Variants in CADPS observed in about 807,000 individuals in gnomAD.
CADPS encodes the protein calcium dependent secretion activator.
CADPS carries 57 observed loss-of-function variants against 167.3 expected under a neutral mutation model. The ratio of observed to expected loss-of-function variants is 0.34; its 90% CI spans 0.28 to 0.42. The LOEUF (loss-of-function observed/expected upper bound fraction) is 0.42. Ranked by LOEUF, CADPS falls within the 20% of genes least tolerant of loss-of-function variation. CADPS has a pLI of 1.00. For missense variants in CADPS, 1,414 were observed against 1,738.1 expected (o/e 0.81, Z 3.32); for synonymous variants, 676 against 635.3 (o/e 1.06, Z -0.96).
chr3:62,874,736 G>A lies in CADPS; in HGVS notation c.294C>T (p.Ser98=). 1 of 1,516,978 alleles carries A rather than the reference G, an allele frequency of 6.6e-7. No individual in the cohort carries two copies. The highest frequency in any genetic ancestry group is 9.0e-7 in the Non-Finnish European group (1 of 1,117,166). The allele number at this position is 1,516,978 out of a possible 1,614,324, so 94.0% of individuals were successfully genotyped here. Residue 98 remains serine (S), a synonymous_variant, in exon 1 of 30, where the codon AGC becomes AGT. Transcript: ENST00000383710. This position sits in a 1 kb window ranked among gnomAD's most constrained non-coding sequence, Gnocchi z 7.1. ...RPSSPSPSVV[S]EKEKEELERL... ...GCTCCAACTCTTCCTTCTCCTTCTC[G>A]CTCACCACCGACGGGCTGGGGCTGG...
At chr3:62,668,649 C>T (rs2074940237) in intron 3 of CADPS, among the ~76,000 whole-genome samples, 1 of 152,134 alleles carries the variant, frequency 6.6e-6, no homozygotes, top group Non-Finnish European at 1.5e-5. Context: ...CATTAATTTA[C>T]AGGTACTTAT....
At chr3:62,837,121 T>C (rs893711413) in intron 1 of CADPS, among the ~76,000 whole-genome samples, 2 of 152,234 alleles carry the variant, frequency 1.3e-5, no homozygotes, top group African/African-American at 4.8e-5. Context: ...TATTGATAAC[T>C]TCTATCACAT....
At chr3:62,729,463 C>G (rs1027004911) in intron 3 of CADPS, among the ~76,000 whole-genome samples, 5 of 151,796 alleles carry the variant, frequency 3.3e-5, no homozygotes, top group African/African-American at 1.2e-4. Flanking sequence ...TGCACACCAG[C>G]CAAACTGATT....
At chr3:62,490,965 T>C (rs1295379114) in intron 21 of CADPS, among the ~76,000 whole-genome samples, 2 of 152,136 alleles carry the variant, frequency 1.3e-5, no homozygotes, top group East Asian at 1.9e-4. Context: ...TTTGCTGACC[T>C]CCCTGCCTAG....
intron 11 of CADPS, among the ~76,000 whole-genome samples, chr3:62,549,648 A>G (rs1256897858): frequency 2.6e-5 from 4 of 152,040 alleles, no homozygotes; most frequent in African/African-American, 9.7e-5. Context: ...CTGTACTCTC[A>G]CCAAAACAGA....
At chr3:62,460,387 C>T (rs532769728) in intron 26 of CADPS, among the ~76,000 whole-genome samples, 1 of 152,170 alleles carries the variant, frequency 6.6e-6, no homozygotes, top group Non-Finnish European at 1.5e-5. Context: ...GGTGATGTTA[C>T]CCTCTGGAGG....
chr3:62,746,579 C>A (rs1464041878), intron 3 of CADPS, among the ~76,000 whole-genome samples: 1 of 152,158 alleles, frequency 6.6e-6, no homozygotes, highest in Non-Finnish European at 1.5e-5. Flanking sequence ...CTCAAGCAAT[C>A]CTCCCTCCAC....
chr3:62,532,753 G>GTGTGCA (rs2073980801), intron 13 of CADPS, 118 bp downstream of exon 13: 1 of 718,774 alleles, frequency 1.4e-6, no homozygotes, highest in Non-Finnish European at 2.4e-6. Flanking sequence ...GTGTGTGTAC[G>GTGTGCA]TGTGCACATA....
chr3:62,865,915 A>G (rs1012633108), intron 1 of CADPS, among the ~76,000 whole-genome samples: 2 of 152,174 alleles, frequency 1.3e-5, no homozygotes, highest in African/African-American at 4.8e-5. Flanking sequence ...TAAAATATGT[A>G]GAACTTACAG....
At chr3:62,805,456 C>T (rs1474551185) in intron 1 of CADPS, among the ~76,000 whole-genome samples, 1 of 152,162 alleles carries the variant, frequency 6.6e-6, no homozygotes, top group Non-Finnish European at 1.5e-5. Flanking sequence ...TGGGGTTGGT[C>T]TGACTTCAAA....
intron 13 of CADPS, among the ~76,000 whole-genome samples, chr3:62,520,928 A>G (rs1315567403): frequency 6.6e-6 from 1 of 152,230 alleles, no homozygotes; most frequent in Non-Finnish European, 1.5e-5. Context: ...AATGTTAGCT[A>G]TACAGGTTTA....
In CADPS at chr3:62,789,826, C is replaced by A. The variant is rs187334007; in HGVS notation, c.442-23842G>T. On this transcript the variant is annotated intron_variant, in intron 1 of 29. Transcript: ENST00000383710. ...ATAATTATAATTAACGTGTATCAAG[C>A]CTTATTATGTGCTAGGCTCTCAGCC... Among the ~76,000 whole-genome samples the A allele has an allele frequency of 2.6e-3, 403 of 152,160 alleles. 1 individual carries two copies. The highest frequency in any genetic ancestry group is 3.9e-3 in the Non-Finnish European group (265 of 67,986).
intron 1 of CADPS, among the ~76,000 whole-genome samples, chr3:62,823,410 C>T (rs185332728): frequency 1.8e-3 from 268 of 152,258 alleles, no homozygotes; most frequent in Non-Finnish European, 2.8e-3. Flanking sequence ...AGTTTTTCCT[C>T]ATTGAGGGCA....
At chr3:62,607,585 A>AGG (rs973891806) in intron 6 of CADPS, among the ~76,000 whole-genome samples, 2 of 152,208 alleles carry the variant, frequency 1.3e-5, no homozygotes, top group African/African-American at 2.4e-5. Flanking sequence ...AGCAGCGCTT[A>AGG]GGGGTGCTCA....
At chr3:62,690,329 A>C (rs980874602) in intron 3 of CADPS, among the ~76,000 whole-genome samples, 7 of 152,058 alleles carry the variant, frequency 4.6e-5, no homozygotes, top group African/African-American at 1.7e-4. Flanking sequence ...AAGATGATGC[A>C]TGGTCATATT....
intron 1 of CADPS, among the ~76,000 whole-genome samples, chr3:62,868,670 C>T (rs963521943): frequency 1.2e-4 from 18 of 152,096 alleles, no homozygotes; most frequent in African/African-American, 4.3e-4. Context: ...TGAAATTTCA[C>T]CTTATGTGAA....
At chr3:62,724,113 C>T (rs1471133946) in intron 3 of CADPS, among the ~76,000 whole-genome samples, 1 of 152,194 alleles carries the variant, frequency 6.6e-6, no homozygotes, top group Admixed American at 6.5e-5. Context: ...AGGAGCTCCT[C>T]CAAAACAGGT....
At chr3:62,454,534 C>G (rs987736279) in intron 26 of CADPS, among the ~76,000 whole-genome samples, 1 of 152,184 alleles carries the variant, frequency 6.6e-6, no homozygotes, top group Non-Finnish European at 1.5e-5. Context: ...CCTACACTGC[C>G]TTTTCACAAG....
chr3:62,607,743 C>T (rs1455572268), intron 6 of CADPS, among the ~76,000 whole-genome samples: 1 of 152,168 alleles, frequency 6.6e-6, no homozygotes, highest in Non-Finnish European at 1.5e-5. Context: ...GCTGGGTTCC[C>T]ATCATCCTAC....
Sources: allele counts gnomAD v4.1 joint callset (sites outside exome capture counted in the v4.1 genomes callset), GRCh38; gene constraint gnomAD v4.1.1; non-coding constraint Gnocchi (gnomAD v3.1); transcripts MANE v1.5; gene names NCBI Gene and HGNC (gene_info 2026-07-23, HGNC 2026-07-21).